WDPCP: variants seen among roughly 807,000 people sequenced by gnomAD.
The protein encoded by WDPCP is WD repeat containing planar cell polarity effector, also known as WD repeat-containing and planar cell polarity effector protein fritz homolog.
WDPCP carries 71 observed loss-of-function variants against 93.1 expected under a neutral mutation model. That is an observed-to-expected ratio of 0.76 (90% CI 0.63 to 0.93). The LOEUF is 0.93. WDPCP is among the 40% of genes least tolerant of loss of function. WDPCP has a pLI of 0.00. For missense variants in WDPCP, 844 were observed against 887.4 expected (o/e 0.95, Z 0.62); for synonymous variants, 315 against 315.0 (o/e 1.00, Z 0.00).
chr2:63,313,373 GTTTA>G, intron 12 of WDPCP, 62 bp from the exon 13 acceptor site: 1 of 1,484,264 alleles, frequency 6.7e-7, no homozygotes, highest in Non-Finnish European at 9.3e-7. Context: ...GAAAAGAGCT[GTTTA>G]TTTAACATAT....
At chr2:63,378,547 A>T (rs1354042352) in intron 11 of WDPCP, 38 bp from the exon 12 acceptor site, 2 of 1,612,326 alleles carry the variant, frequency 1.2e-6, no homozygotes, top group Admixed American at 3.3e-5. Context: ...AAACAAGTGA[A>T]AACTCCTTCA....
At chr2:63,792,822 T>C (rs1290349240) in intron 2 of WDPCP, among the ~76,000 whole-genome samples, 1 of 151,342 alleles carries the variant, frequency 6.6e-6, no homozygotes, top group African/African-American at 2.4e-5. Context: ...AGATGATGGG[T>C]TTTAAGCAGA....
intron 13 of WDPCP, among the ~76,000 whole-genome samples, chr2:63,302,663 T>A (rs1174514704): frequency 6.6e-6 from 1 of 152,184 alleles, no homozygotes; most frequent in Non-Finnish European, 1.5e-5. Flanking sequence ...TAATTGCTAA[T>A]ATTCTCTGTA....
chr2:63,764,680 A>T (rs1434291861), intron 2 of WDPCP, among the ~76,000 whole-genome samples: 1 of 152,166 alleles, frequency 6.6e-6, no homozygotes, highest in African/African-American at 2.4e-5. Context: ...GACTTTCTTG[A>T]TGAGGAATTT....
chr2:63,771,434 A>T (rs1466835165), intron 2 of WDPCP, among the ~76,000 whole-genome samples: 1 of 152,040 alleles, frequency 6.6e-6, no homozygotes, highest in East Asian at 1.9e-4. Flanking sequence ...GTAGGCCCAG[A>T]TGACTTTGTC....
At chr2:63,475,586 G>T (rs983324405) in intron 6 of WDPCP, among the ~76,000 whole-genome samples, 1 of 151,848 alleles carries the variant, frequency 6.6e-6, no homozygotes, top group South Asian at 2.1e-4. Context: ...TGGGTTTCTT[G>T]TTGAGCCTCA....
At chr2:63,204,178 A>C (rs755950622) in intron 14 of WDPCP, among the ~76,000 whole-genome samples, 8 of 152,102 alleles carry the variant, frequency 5.3e-5, no homozygotes, top group Non-Finnish European at 1.2e-4. Context: ...ACAGTGTATG[A>C]GTTTTCCCTT....
rs1558584155 is a variant in WDPCP at position 63,404,442 on chromosome 2, A to AACTT, written c.1040_1041insAAGT (p.Thr348SerfsTer3). ...AGCCCAGAATCAGTTTGTCTTCAGT[A>AACTT]ACATTCCTGCAGCAGCTGATGGCCT... On this transcript the variant is annotated frameshift_variant, in exon 10 of 18. Transcript: ENST00000272321. LOFTEE classifies it high-confidence loss of function. 1 of 1,614,194 alleles carries AACTT rather than the reference A, an allele frequency of 6.2e-7. No homozygotes were observed. The highest frequency in any genetic ancestry group is 1.1e-5 in the South Asian group (1 of 91,086).
At chr2:63,164,976 A>G (rs1285511822) in intron 15 of WDPCP, among the ~76,000 whole-genome samples, 2 of 152,176 alleles carry the variant, frequency 1.3e-5, no homozygotes, top group East Asian at 3.8e-4. Context: ...AGGAATAGCT[A>G]CAAGGAATGT....
At chr2:63,282,785 C>G (rs1683670312) in intron 13 of WDPCP, among the ~76,000 whole-genome samples, 1 of 152,150 alleles carries the variant, frequency 6.6e-6, no homozygotes, top group Admixed American at 6.5e-5. Context: ...AGGGATTTGT[C>G]TCATGACTTC....
chr2:63,810,025 T>A (rs1450172995), intron 2 of WDPCP, among the ~76,000 whole-genome samples: 1 of 152,206 alleles, frequency 6.6e-6, no homozygotes, highest in South Asian at 2.1e-4. Flanking sequence ...GTAGTCAGAA[T>A]CCACACTACT....
intron 2 of WDPCP, among the ~76,000 whole-genome samples, chr2:63,761,486 T>C (rs1039176153): frequency 6.6e-6 from 1 of 152,128 alleles, no homozygotes; most frequent in Non-Finnish European, 1.5e-5. Flanking sequence ...TTATATATAA[T>C]ATATATGAGA....
At chr2:63,726,024 G>C (rs562965139) in intron 2 of WDPCP, among the ~76,000 whole-genome samples, 1 of 152,172 alleles carries the variant, frequency 6.6e-6, no homozygotes, top group Non-Finnish European at 1.5e-5. Context: ...ATCTCTTGCT[G>C]TGCAGAAGCT....
chr2:63,616,612 A>C (rs981975260), intron 3 of WDPCP, among the ~76,000 whole-genome samples: 18 of 152,252 alleles, frequency 1.2e-4, no homozygotes, highest in African/African-American at 4.1e-4. Flanking sequence ...ATTGCCAATA[A>C]TGTTGATTAG....
intron 14 of WDPCP, among the ~76,000 whole-genome samples, chr2:63,185,404 C>T (rs1211136767): frequency 6.6e-6 from 1 of 151,848 alleles, no homozygotes; most frequent in Non-Finnish European, 1.5e-5. Context: ...CCCCCTCTCC[C>T]CCACCCCCAA....
intron 2 of WDPCP, among the ~76,000 whole-genome samples, chr2:63,751,349 T>A (rs1418607073): frequency 6.6e-6 from 1 of 152,178 alleles, no homozygotes; most frequent in South Asian, 2.1e-4. Context: ...ATTCTTTTTT[T>A]AAAGACACAT....
At chr2:63,488,253 A>G (rs1296477987) in intron 2 of WDPCP, among the ~76,000 whole-genome samples, 2 of 152,132 alleles carry the variant, frequency 1.3e-5, no homozygotes, top group African/African-American at 4.8e-5. Context: ...AGTTACTAAC[A>G]TAAGGATAAA....
At chr2:63,283,133 T>A (rs1315917839) in intron 13 of WDPCP, among the ~76,000 whole-genome samples, 1 of 152,210 alleles carries the variant, frequency 6.6e-6, no homozygotes, top group African/African-American at 2.4e-5. Flanking sequence ...ATGAAGAACA[T>A]GATTTCAAGT....
intron 2 of WDPCP, among the ~76,000 whole-genome samples, chr2:63,755,938 AG>A (rs1481161575): frequency 2.6e-5 from 4 of 152,258 alleles, no homozygotes; most frequent in African/African-American, 9.6e-5. Flanking sequence ...GTCAGAGACC[AG>A]GTAATTCTCA....
Sources: gnomAD v4.1 joint callset for allele counts (sites outside exome capture counted in the v4.1 genomes callset) on GRCh38, gnomAD v4.1.1 for gene constraint, MANE v1.5 for transcripts, NCBI Gene and HGNC (gene_info 2026-07-23, HGNC 2026-07-21) for gene names.